The following CTTNBP2 variants were observed in gnomAD, a reference collection of about 807,000 sequenced individuals.
The protein encoded by CTTNBP2 is cortactin-binding protein 2.
CTTNBP2 carries 108 observed loss-of-function variants against 156.9 expected under a neutral mutation model. The observed-to-expected ratio is 0.69, with a 90% CI of 0.59 to 0.81. The LOEUF (loss-of-function observed/expected upper bound fraction) is 0.81. Among genes scored for constraint, CTTNBP2 ranks in the 30% least tolerant of loss-of-function variants. The pLI, the probability that CTTNBP2 is intolerant of heterozygous loss-of-function variation, is 0.00. For synonymous variants in CTTNBP2, 767 were observed against 751.8 expected, an observed-to-expected ratio of 1.02 and a Z score of -0.33; for missense variants, 1,924 against 2,035.4, an observed-to-expected ratio of 0.95 and a Z score of 1.05.
Position 117,780,438 on chromosome 7 carries a change from C to T in CTTNBP2, c.2523+3G>A. The T allele has an allele frequency of 6.5e-7, 1 of 1,547,756 alleles. No homozygotes were observed. ...AGGGGGAAAAAAACAGACTGCTACTCACTGTGGTTTTTACACTTCGATTGG... is the reference window on the plus strand; with the variant it reads ...AGGGGGAAAAAAACAGACTGCTACTTACTGTGGTTTTTACACTTCGATTGG... On this transcript the variant is annotated splice_donor_region_variant and intron_variant, in intron 7 of 22. Coordinates refer to ENST00000160373, the MANE Select transcript of CTTNBP2 (RefSeq NM_033427.3).
chr7:117,831,480 A>G (rs1801608020), intron 2 of CTTNBP2, among the ~76,000 whole-genome samples: 1 of 152,120 alleles, frequency 6.6e-6, no homozygotes, highest in Admixed American at 6.5e-5. Context: ...CCACAGACAC[A>G]GGAGAGGGTA....
chr7:117,716,909 TTAA>T (rs1178357255), intron 22 of CTTNBP2, among the ~76,000 whole-genome samples: 2 of 152,210 alleles, frequency 1.3e-5, no homozygotes, highest in Non-Finnish European at 2.9e-5. Flanking sequence ...GCTTAATAAC[TTAA>T]TAGTCTCACC....
Position 117,718,097 on chromosome 7 carries a change from A to G in CTTNBP2, c.4667T>C (p.Leu1556Ser), listed in dbSNP as rs1794556646. ...ISKIADSRDDLRMFDSSGNNP... is the reference protein window; with the variant it reads ...ISKIADSRDDSRMFDSSGNNP... The stretch of plus-strand genomic sequence containing the variant: ...GTTTCCAGAACTATCAAACATCCTT[A>G]AATCATCCCTGGAATCAGCAATCTA... The change falls in exon 22 of 23, where the codon TTA becomes TCA. Residue 1556 changes from leucine (L) to serine (S), a missense_variant. Coordinates refer to ENST00000160373, the MANE Select transcript of CTTNBP2 (RefSeq NM_033427.3). 7.4e-6 allele frequency: 12 copies of G among 1,612,328 alleles called. No homozygotes were observed. The highest frequency in any genetic ancestry group is 9.3e-6 in the Non-Finnish European group (11 of 1,178,644).
intron 3 of CTTNBP2, among the ~76,000 whole-genome samples, chr7:117,804,061 C>T (rs1265896886): frequency 4.6e-5 from 7 of 152,020 alleles, no homozygotes; most frequent in South Asian, 2.1e-4. Flanking sequence ...CTCCTGGGTT[C>T]GAGAGATTCT....
chr7:117,715,545 C>T (rs1328317292), intron 22 of CTTNBP2, among the ~76,000 whole-genome samples: 1 of 148,816 alleles, frequency 6.7e-6, no homozygotes, highest in Admixed American at 6.7e-5. Flanking sequence ...CTTGTCCTTT[C>T]AGAGGATTAG....
chr7:117,847,082 A>G (rs1398952856), intron 2 of CTTNBP2, among the ~76,000 whole-genome samples: 1 of 152,144 alleles, frequency 6.6e-6, no homozygotes, highest in Non-Finnish European at 1.5e-5. Context: ...CAACAGGAAG[A>G]GGAGCTAAAT....
intron 3 of CTTNBP2, among the ~76,000 whole-genome samples, chr7:117,806,766 T>G (rs1409622581): frequency 6.7e-6 from 1 of 149,784 alleles, no homozygotes; most frequent in East Asian, 1.9e-4. Context: ...TTTTTTTTTT[T>G]TTTTTATTTT....
At chr7:117,778,407 T>G (rs1465117477) in intron 7 of CTTNBP2, among the ~76,000 whole-genome samples, 1 of 152,200 alleles carries the variant, frequency 6.6e-6, no homozygotes, top group African/African-American at 2.4e-5. Flanking sequence ...TTGTGTCTGT[T>G]TTCTAGAATA....
Position 117,791,575 on chromosome 7 carries a change from T to G in CTTNBP2, c.1621A>C (p.Asn541His), listed in dbSNP as rs376039051. The change falls in exon 4 of 23, where the codon AAT becomes CAT. Residue 541 changes from asparagine (N) to histidine (H), a missense_variant. Physicochemically the swap from Asn to His is moderately conservative, Grantham distance 68 (BLOSUM62 1). Transcript: ENST00000160373. ...TTTTTTGGAGGGATAGGAGGAGGAT[T>G]TCCTCTGTCAACTCGTGCTACACCA... ...THGVARVDRG[N>H]PPPIPPKKPG... 3 of 1,613,996 alleles carry G rather than the reference T, an allele frequency of 1.9e-6. No individual in the cohort carries two copies. The South Asian group carries it at 3.3e-5, about 18-fold the overall frequency.
chr7:117,727,721 G>T (rs925965584), intron 17 of CTTNBP2, among the ~76,000 whole-genome samples: 1 of 152,148 alleles, frequency 6.6e-6, no homozygotes, highest in Non-Finnish European at 1.5e-5. Context: ...CTGAACATAT[G>T]TCTCAATAAA....
intron 2 of CTTNBP2, among the ~76,000 whole-genome samples, chr7:117,825,057 C>T (rs183482258): frequency 6.6e-6 from 1 of 152,118 alleles, no homozygotes; most frequent in African/African-American, 2.4e-5. Flanking sequence ...ATATTTACTG[C>T]CCAGCTGGTT....
intron 3 of CTTNBP2, among the ~76,000 whole-genome samples, chr7:117,798,575 T>C (rs1397036146): frequency 6.6e-6 from 1 of 152,148 alleles, no homozygotes; most frequent in Admixed American, 6.5e-5. Context: ...TGTGGGACTC[T>C]GAAAGCAGAG....
In CTTNBP2 at chr7:117,760,514, A is replaced by C; in HGVS notation, c.3093T>G (p.Ser1031Arg). ...TGTTATTGCAAGTCACGTCTTCCAGACTCCACCATCCATCAGAAGAGATTG... is the reference window on the plus strand; with the variant it reads ...TGTTATTGCAAGTCACGTCTTCCAGCCTCCACCATCCATCAGAAGAGATTG... ...FQAISSDGWW[S>R]LEDVTCNNTT... Residue 1031 changes from serine (S) to arginine (R), a missense_variant, in exon 10 of 23, where the codon AGT (serine) becomes AGG (arginine). Physicochemically the swap from Ser to Arg is moderately radical, Grantham distance 110 (BLOSUM62 -1). Transcript: ENST00000160373. 1 of 1,614,002 alleles carries C rather than the reference A, an allele frequency of 6.2e-7. No individual in the cohort carries two copies. The highest frequency in any genetic ancestry group is 2.2e-5 in the East Asian group (1 of 44,872).
Position 117,792,149 on chromosome 7 carries a change from G to A in CTTNBP2, c.1047C>T (p.Ala349=). 6.2e-7 allele frequency: 1 copy of A among 1,614,160 alleles called. No individual in the cohort carries two copies. The highest frequency in any genetic ancestry group is 8.5e-7 in the Non-Finnish European group (1 of 1,180,026). ...ANAKGSVCTS[A]TMARPGIDRQ... ...TGTCAATACCTGGTCTGGCCATGGTGGCACTGGTGCACACGCTCCCTTTTG... is the reference window on the plus strand; with the variant it reads ...TGTCAATACCTGGTCTGGCCATGGTAGCACTGGTGCACACGCTCCCTTTTG... The change falls in exon 4 of 23, where the codon GCC becomes GCT. Residue 349 remains alanine, a synonymous_variant. Coordinates refer to ENST00000160373, the MANE Select transcript of CTTNBP2 (RefSeq NM_033427.3). The surrounding 1 kb of genome is among the most constrained non-coding windows in gnomAD (Gnocchi z 4.2).
At chr7:117,739,975 T>TTTTACTG (rs1795908103) in intron 14 of CTTNBP2, among the ~76,000 whole-genome samples, 1 of 152,160 alleles carries the variant, frequency 6.6e-6, no homozygotes, top group African/African-American at 2.4e-5. Context: ...TTTTTTTCTG[T>TTTTACTG]TTTACTGTTT....
chr7:117,766,965 G>A, intron 9 of CTTNBP2, 94 bp downstream of exon 9: 3 of 759,082 alleles, frequency 4.0e-6, no homozygotes. Flanking sequence ...AGGTTAAAAA[G>A]GACATGCAAA....
chr7:117,862,967 T>C (rs1803870641), intron 1 of CTTNBP2, among the ~76,000 whole-genome samples: 1 of 152,188 alleles, frequency 6.6e-6, no homozygotes, highest in Non-Finnish European at 1.5e-5. Context: ...ATAAGCTCTT[T>C]GAGATGAGAT....
chr7:117,728,166 G>A lies in CTTNBP2; in HGVS notation c.3978C>T (p.Gly1326=). ...RQLNSCLARL[G]TPEALLGPKY... ...TTGGTCCAAGAAGTGCTTCAGGTGT[G>A]CCCAAGCGGGCCAGGCAGGAGTTAA... Residue 1326 remains glycine (G), a synonymous_variant, in exon 17 of 23, where the codon GGC becomes GGT. Transcript: ENST00000160373. The A allele has an allele frequency of 6.2e-7, 1 of 1,614,144 alleles. No individual in the cohort carries two copies. Among genetic ancestry groups the A allele is most frequent in the Non-Finnish European group, 8.5e-7 (1 of 1,179,988 alleles).
chr7:117,780,688 G>T, intron 6 of CTTNBP2, 97 bp from the exon 7 acceptor site: 1 of 632,320 alleles, frequency 1.6e-6, no homozygotes, highest in Non-Finnish European at 2.5e-6. Flanking sequence ...AAGCAATGTT[G>T]CATCTTTATA....
Sources: allele counts gnomAD v4.1 joint callset (sites outside exome capture counted in the v4.1 genomes callset), GRCh38; gene constraint gnomAD v4.1.1; non-coding constraint Gnocchi (gnomAD v3.1); transcripts MANE v1.5; gene names NCBI Gene and HGNC (gene_info 2026-07-23, HGNC 2026-07-21).